The following SYT17 variants were observed in gnomAD, a reference collection of about 807,000 sequenced individuals.
SYT17 encodes synaptotagmin 17.
SYT17 carries 22 observed loss-of-function variants against 46.7 expected under a neutral mutation model. The observed-to-expected ratio is 0.47, with a 90% confidence interval of 0.34 to 0.67. The LOEUF is 0.67. Among genes scored for constraint, SYT17 ranks in the 30% least tolerant of loss-of-function variants. The probability of loss-of-function intolerance (pLI) is 0.01; values close to 1 mark genes in which losing one functional copy is unlikely to be tolerated. For missense variants in SYT17, 519 were observed against 612.8 expected, an observed-to-expected ratio of 0.85 and a Z score of 1.62; for synonymous variants, 251 against 248.4, an observed-to-expected ratio of 1.01 and a Z score of -0.10.
At chr16:19,210,681 G>A (rs1317779197) in intron 5 of SYT17, among the ~76,000 whole-genome samples, 2 of 152,090 alleles carry the variant, frequency 1.3e-5, no homozygotes, top group Admixed American at 6.5e-5. Flanking sequence ...CTGGCATTGC[G>A]GTTGGAGTTT....
At chr16:19,178,244 G>A (rs537459723) in intron 3 of SYT17, among the ~76,000 whole-genome samples, 11 of 129,026 alleles carry the variant, frequency 8.5e-5, no homozygotes, top group African/African-American at 1.4e-4. Flanking sequence ...CACCACGCCC[G>A]GCTAATTTTT....
intron 3 of SYT17, among the ~76,000 whole-genome samples, chr16:19,177,558 A>G (rs1964364173): frequency 1.3e-5 from 2 of 152,212 alleles, no homozygotes; most frequent in South Asian, 4.1e-4. Flanking sequence ...TGTCAAGTGT[A>G]TGGGCTTTGC....
At chr16:19,257,592 T>G (rs567502196) in intron 7 of SYT17, among the ~76,000 whole-genome samples, 1 of 151,982 alleles carries the variant, frequency 6.6e-6, no homozygotes, top group Admixed American at 6.6e-5. Context: ...GCGTTATGTC[T>G]CCTCCAACAG....
intron 6 of SYT17, among the ~76,000 whole-genome samples, chr16:19,224,351 G>A (rs1285341062): frequency 1.3e-5 from 2 of 152,132 alleles, no homozygotes; most frequent in African/African-American, 2.4e-5. Context: ...GAAGGAAGGG[G>A]ATAAGCAGAT....
intron 7 of SYT17, among the ~76,000 whole-genome samples, chr16:19,241,667 C>T (rs1178932693): frequency 6.6e-6 from 1 of 152,128 alleles, no homozygotes; most frequent in Non-Finnish European, 1.5e-5. Context: ...GCAGCAGGCT[C>T]TAGTGGAGGT....
At chr16:19,216,094 C>A (rs548783557) in intron 5 of SYT17, among the ~76,000 whole-genome samples, 1 of 152,098 alleles carries the variant, frequency 6.6e-6, no homozygotes, top group Non-Finnish European at 1.5e-5. Flanking sequence ...GGAACACATC[C>A]AAACCATATC....
chr16:19,195,528 C>T (rs11640998), intron 5 of SYT17, among the ~76,000 whole-genome samples: 27,197 of 151,730 alleles, frequency 0.18, 2,714 homozygotes, highest in African/African-American at 0.27. Context: ...CCAGCCTGGC[C>T]AACATGGTGA....
intron 7 of SYT17, among the ~76,000 whole-genome samples, chr16:19,233,974 G>A (rs1966795481): frequency 6.6e-6 from 1 of 152,168 alleles, no homozygotes; most frequent in Admixed American, 6.5e-5. Flanking sequence ...ATAGAGAGAA[G>A]GTTGCATGGC....
At chr16:19,234,319 C>T (rs1233968522) in intron 7 of SYT17, among the ~76,000 whole-genome samples, 3 of 151,978 alleles carry the variant, frequency 2.0e-5, no homozygotes, top group South Asian at 4.2e-4. Flanking sequence ...GTATGAGACC[C>T]GGTCTCAAGA....
intron 7 of SYT17, among the ~76,000 whole-genome samples, chr16:19,237,449 C>G (rs1227058775): frequency 6.6e-6 from 1 of 150,590 alleles, no homozygotes; most frequent in Non-Finnish European, 1.5e-5. Context: ...TAAGACACAC[C>G]CAACAGTGCG....
At chr16:19,170,813 G>A (rs1187796705) in intron 1 of SYT17, 1 of 152,124 alleles carries the variant, frequency 6.6e-6, no homozygotes, top group African/African-American at 2.4e-5. Context: ...AGCCCTATGA[G>A]GGTATAATAT....
intron 7 of SYT17, among the ~76,000 whole-genome samples, chr16:19,262,527 T>C (rs1969054685): frequency 6.6e-6 from 1 of 152,188 alleles, no homozygotes; most frequent in Non-Finnish European, 1.5e-5. Flanking sequence ...CTCTTTGTCA[T>C]AGGAAAAAGT....
chr16:19,253,734 T>C (rs537056971), intron 7 of SYT17, among the ~76,000 whole-genome samples: 17 of 152,300 alleles, frequency 1.1e-4, no homozygotes, highest in African/African-American at 3.8e-4. Flanking sequence ...ATTCTCTTTT[T>C]TTTTCTTCTT....
At chr16:19,250,033 C>T in intron 7 of SYT17, 1 of 1,535,694 alleles carries the variant, frequency 6.5e-7, no homozygotes, top group Non-Finnish European at 8.7e-7. Context: ...TGAACATTTC[C>T]ATGGCATAAA....
chr16:19,231,319 C>T (rs1412366639), intron 7 of SYT17, among the ~76,000 whole-genome samples: 1 of 152,030 alleles, frequency 6.6e-6, no homozygotes, highest in Non-Finnish European at 1.5e-5. Context: ...GCCTGTAATT[C>T]CAACACTGTG....
At chr16:19,225,834 CA>C (rs1966479572) in intron 7 of SYT17, among the ~76,000 whole-genome samples, 1 of 152,164 alleles carries the variant, frequency 6.6e-6, no homozygotes, top group South Asian at 2.1e-4. Flanking sequence ...GCAAGAATGG[CA>C]AGGAAGAGTC....
At chr16:19,180,279 G>T in intron 3 of SYT17, 112 bp from the exon 4 acceptor site, 1 of 1,162,376 alleles carries the variant, frequency 8.6e-7, no homozygotes, top group Non-Finnish European at 1.2e-6. Flanking sequence ...ATTCCATGTT[G>T]CATAAAATGA....
intron 7 of SYT17, among the ~76,000 whole-genome samples, chr16:19,250,449 G>A (rs140480658): frequency 0.035 from 5,319 of 151,232 alleles, 289 homozygotes; most frequent in African/African-American, 0.12. Flanking sequence ...GAGTGCAGTG[G>A]TGCCATCATG....
At position 19,168,393 on chromosome 16, in the gene SYT17, G is replaced by T; in HGVS notation, c.-254G>T. The T allele has an allele frequency of 1.8e-6, 1 of 557,350 alleles. No individual in the cohort carries two copies. The highest frequency in any genetic ancestry group is 3.1e-6 in the Non-Finnish European group (1 of 318,858). The allele number at this position is 557,350 out of a possible 1,614,324, so 34.5% of individuals were successfully genotyped here. ...GGGACAGCGAGGGAGGCCGAGGCGG[G>T]GGCCCTGGGCGCCCGATATCTCCGA... On this transcript the variant is annotated 5_prime_UTR_variant, in exon 1 of 8. Transcript: ENST00000355377. The surrounding 1 kb of genome is among the most constrained non-coding windows in gnomAD (Gnocchi z 6.9).
Sources: allele counts gnomAD v4.1 joint callset (sites outside exome capture counted in the v4.1 genomes callset), GRCh38; gene constraint gnomAD v4.1.1; non-coding constraint Gnocchi (gnomAD v3.1); transcripts MANE v1.5; gene names NCBI Gene and HGNC (gene_info 2026-07-23, HGNC 2026-07-21).